RGL1: variants seen among roughly 807,000 people sequenced by gnomAD.
The protein encoded by RGL1 is ral guanine nucleotide dissociation stimulator-like 1.
In RGL1, 24 loss-of-function variants were observed where a neutral mutation model predicts 95.2. The observed-to-expected ratio is 0.25, with a 90% CI of 0.18 to 0.35. RGL1 has a LOEUF of 0.35. Among genes scored for constraint, RGL1 ranks in the 10% least tolerant of loss-of-function variants. RGL1 has a pLI of 1.00. For missense variants in RGL1, 715 were observed against 936.3 expected (o/e 0.76, Z 3.08); for synonymous variants, 329 against 344.9 (o/e 0.95, Z 0.51).
intron 15 of RGL1, among the ~76,000 whole-genome samples, chr1:183,914,990 TAAGG>T (rs1668873522): frequency 6.6e-6 from 1 of 152,106 alleles, no homozygotes; most frequent in African/African-American, 2.4e-5. Context: ...TTTGGGAACA[TAAGG>T]AAGAAAAAAA....
Position 183,847,583 on chromosome 1 carries a change from G to A in RGL1, c.156G>A (p.Leu52=). 1.9e-6 allele frequency: 3 copies of A among 1,614,046 alleles called. No homozygotes were observed. The highest frequency in any genetic ancestry group is 1.3e-5 in the African/African-American group (1 of 75,060). Residue 52 remains leucine (L), a synonymous_variant, in exon 3 of 18, where the codon CTG becomes CTA. Coordinates refer to ENST00000360851, the MANE Select transcript of RGL1 (RefSeq NM_001297671.3). ...ARWLGVEGDQ[L]PPGHTVSQYE... is the part of the protein sequence containing the mutation. ...TTATACAGGTTGAAGGGGACCAGCT[G>A]CCTCCAGGACACACAGTCAGTCAAT...
chr1:183,891,993 A>T (rs1010107683), intron 8 of RGL1, 84 bp from the exon 9 acceptor site: 1 of 973,984 alleles, frequency 1.0e-6, no homozygotes, highest in South Asian at 1.4e-5. Context: ...CTCCTTAGAC[A>T]TGAGTCCTGA....
intron 1 of RGL1, among the ~76,000 whole-genome samples, chr1:183,683,436 C>T (rs1256129743): frequency 6.6e-6 from 1 of 152,140 alleles, no homozygotes; most frequent in Non-Finnish European, 1.5e-5. Flanking sequence ...CTTAGTTTGG[C>T]TGGATATGAA....
chr1:183,702,178 G>A (rs1301376003), intron 1 of RGL1, among the ~76,000 whole-genome samples: 1 of 152,062 alleles, frequency 6.6e-6, no homozygotes, highest in Non-Finnish European at 1.5e-5. Context: ...GTATGCCAAA[G>A]TCATCTATAT....
At chr1:183,893,759 T>A (rs1323763523) in intron 9 of RGL1, among the ~76,000 whole-genome samples, 1 of 152,226 alleles carries the variant, frequency 6.6e-6, no homozygotes, top group African/African-American at 2.4e-5. Flanking sequence ...CTGGCACTTA[T>A]CACTTGCTCT....
At chr1:183,805,829 A>C (rs1661257269) in intron 1 of RGL1, among the ~76,000 whole-genome samples, 1 of 152,230 alleles carries the variant, frequency 6.6e-6, no homozygotes, top group Non-Finnish European at 1.5e-5. Flanking sequence ...AAACCACTTC[A>C]CTTCCAAAGG....
intron 1 of RGL1, among the ~76,000 whole-genome samples, chr1:183,728,009 G>T (rs1656408585): frequency 6.6e-6 from 1 of 152,102 alleles, no homozygotes; most frequent in African/African-American, 2.4e-5. Context: ...AAAACAGGTT[G>T]CCTTCCCCAG....
chr1:183,805,997 T>TTTTTTTTTTTTTTTTTTTTTTC (rs1661303439), intron 1 of RGL1, among the ~76,000 whole-genome samples: 10 of 80,554 alleles, frequency 1.2e-4, no homozygotes, highest in Non-Finnish European at 1.7e-4. Context: ...TTTTTTTTTT[T>TTTTTTTTTTTTTTTTTTTTTTC]TTTTTTTTTT....
rs571587825 is a variant in RGL1 at position 183,657,753 on chromosome 1, G to A, written c.-33+21252G>A. On this transcript the variant is annotated intron_variant, in intron 1 of 18. Transcript: ENST00000304685. Reference sequence around the variant, plus strand: ...GTGAATAGTGCCGCAATAAACATACGTGTGCATGTGTCTTTATAGCAGCAT... The same window carrying A: ...GTGAATAGTGCCGCAATAAACATACATGTGCATGTGTCTTTATAGCAGCAT... 2.1e-4 allele frequency among the ~76,000 whole-genome samples: 32 copies of A among 151,580 alleles called. No individual in the cohort carries two copies. The South Asian group carries it at 6.5e-3, about 31-fold the overall frequency.
intron 1 of RGL1, among the ~76,000 whole-genome samples, chr1:183,694,347 T>C (rs1040334655): frequency 3.3e-5 from 5 of 152,220 alleles, no homozygotes; most frequent in Non-Finnish European, 4.4e-5. Flanking sequence ...AATCTGCTAA[T>C]GCCAGACTGA....
intron 1 of RGL1, among the ~76,000 whole-genome samples, chr1:183,675,293 G>A (rs998035996): frequency 5.5e-5 from 8 of 146,436 alleles, no homozygotes; most frequent in South Asian, 2.2e-4. Context: ...ATTCTATATG[G>A]TTTTTTTTTT....
At chr1:183,794,055 G>GACACGCACACACAC (rs1452258816) in intron 2 of RGL1, among the ~76,000 whole-genome samples, 1 of 145,916 alleles carries the variant, frequency 6.9e-6, no homozygotes, top group African/African-American at 2.5e-5. Flanking sequence ...AGAAAATGTG[G>GACACGCACACACAC]ACACACACAC....
At chr1:183,667,279 G>T (rs1652105550) in intron 1 of RGL1, among the ~76,000 whole-genome samples, 1 of 151,896 alleles carries the variant, frequency 6.6e-6, no homozygotes, top group Non-Finnish European at 1.5e-5. Context: ...GATCATTCTG[G>T]CAATCTGTCT....
chr1:183,704,061 G>A (rs912272474), intron 1 of RGL1, among the ~76,000 whole-genome samples: 3 of 152,136 alleles, frequency 2.0e-5, no homozygotes, highest in Non-Finnish European at 2.9e-5. Context: ...CTTTTCTTCC[G>A]AGGATTAAAG....
chr1:183,908,250 G>A (rs532014462), intron 14 of RGL1, among the ~76,000 whole-genome samples: 1 of 152,196 alleles, frequency 6.6e-6, no homozygotes, highest in Non-Finnish European at 1.5e-5. Context: ...GTCACATTGA[G>A]ACACAGGCAG....
intron 2 of RGL1, among the ~76,000 whole-genome samples, chr1:183,827,276 C>G (rs1407448031): frequency 1.3e-5 from 2 of 151,714 alleles, no homozygotes; most frequent in African/African-American, 4.8e-5. Flanking sequence ...ACACCCTGAA[C>G]AACTTTCTTG....
intron 1 of RGL1, among the ~76,000 whole-genome samples, chr1:183,730,143 G>T (rs1656544676): frequency 6.6e-6 from 1 of 152,150 alleles, no homozygotes; most frequent in Non-Finnish European, 1.5e-5. Context: ...GTATGTAGTA[G>T]TTGCTGTTTT....
intron 3 of RGL1, among the ~76,000 whole-genome samples, chr1:183,854,451 C>T (rs1212715567): frequency 6.6e-6 from 1 of 152,198 alleles, no homozygotes; most frequent in Non-Finnish European, 1.5e-5. Context: ...CCTGGAGTAA[C>T]ATTTTCATAT....
At chr1:183,817,477 T>A (rs781157520) in intron 2 of RGL1, among the ~76,000 whole-genome samples, 5 of 152,148 alleles carry the variant, frequency 3.3e-5, no homozygotes, top group Non-Finnish European at 7.4e-5. Flanking sequence ...TCTTCTGACT[T>A]AAAAATAGAT....
Sources: allele counts gnomAD v4.1 joint callset (sites outside exome capture counted in the v4.1 genomes callset), GRCh38; gene constraint gnomAD v4.1.1; transcripts MANE v1.5; gene names NCBI Gene and HGNC (gene_info 2026-07-23, HGNC 2026-07-21).